Variants in AXDND1 observed in about 807,000 individuals in gnomAD.
AXDND1 encodes axonemal dynein light chain domain containing 1.
AXDND1 carries 110 observed loss-of-function variants against 137.5 expected under a neutral mutation model. That is an observed-to-expected ratio of 0.80 (90% CI 0.69 to 0.94). The LOEUF (loss-of-function observed/expected upper bound fraction) is 0.94. AXDND1 is among the 40% of genes least tolerant of loss of function. The pLI is 0.00. For missense variants in AXDND1, 1,191 were observed against 1,169.8 expected (o/e 1.02, Z -0.26); for synonymous variants, 414 against 399.7 (o/e 1.04, Z -0.43).
chr1:179,508,147 AG>A (rs1253797465), intron 20 of AXDND1, among the ~76,000 whole-genome samples: 1 of 152,112 alleles, frequency 6.6e-6, no homozygotes, highest in African/African-American at 2.4e-5. Flanking sequence ...GCTTAAGTCC[AG>A]GAGTACAAGC....
intron 11 of AXDND1, among the ~76,000 whole-genome samples, chr1:179,398,159 T>A (rs1651356359): frequency 6.6e-6 from 1 of 152,094 alleles, no homozygotes; most frequent in Non-Finnish European, 1.5e-5. Flanking sequence ...TGTTTGGGTG[T>A]TTTTTTCCCC....
chr1:179,382,588 T>G, intron 6 of AXDND1, 112 bp from the exon 7 acceptor site: 1 of 690,706 alleles, frequency 1.4e-6, no homozygotes, highest in East Asian at 2.8e-5. Context: ...ACTCATTCCT[T>G]TTAGTGGAGA....
chr1:179,490,449 A>G (rs11809530), intron 18 of AXDND1, among the ~76,000 whole-genome samples: 6,973 of 152,270 alleles, frequency 0.046, 241 homozygotes, highest in Non-Finnish European at 0.069. Flanking sequence ...AACTTTCTCT[A>G]TTCACAGTGC....
At chr1:179,489,455 AG>A (rs1346695739) in intron 18 of AXDND1, among the ~76,000 whole-genome samples, 1 of 152,186 alleles carries the variant, frequency 6.6e-6, no homozygotes, top group Non-Finnish European at 1.5e-5. Context: ...TTTCAATGAT[AG>A]TATAATCTAG....
At chr1:179,399,560 A>G (rs768551323) in intron 11 of AXDND1, among the ~76,000 whole-genome samples, 1 of 152,232 alleles carries the variant, frequency 6.6e-6, no homozygotes, top group Non-Finnish European at 1.5e-5. Context: ...AGCAATAAAA[A>G]CAAAGATATA....
intron 20 of AXDND1, among the ~76,000 whole-genome samples, chr1:179,508,659 C>G (rs1668751585): frequency 6.6e-6 from 1 of 151,942 alleles, no homozygotes; most frequent in Non-Finnish European, 1.5e-5. Flanking sequence ...AGGTGAGCAC[C>G]TTTTCCAAAA....
chr1:179,440,989 A>G (rs1658898740), intron 15 of AXDND1, among the ~76,000 whole-genome samples: 1 of 152,210 alleles, frequency 6.6e-6, no homozygotes, highest in Non-Finnish European at 1.5e-5. Flanking sequence ...ATAGTGGCAC[A>G]ACCTTTGGAA....
At chr1:179,548,099 C>T (rs548490268) in intron 25 of AXDND1, among the ~76,000 whole-genome samples, 1 of 152,156 alleles carries the variant, frequency 6.6e-6, no homozygotes, top group Non-Finnish European at 1.5e-5. Context: ...CTGGTTCTGT[C>T]CTAGAACAAC....
rs780018719 is a variant in AXDND1 at position 179,411,181 on chromosome 1, A to G, written c.1145A>G (p.Gln382Arg). 3.1e-6 allele frequency: 5 copies of G among 1,610,888 alleles called. No homozygotes were observed. The highest frequency in any genetic ancestry group is 1.3e-5 in the African/African-American group (1 of 74,752). ...VEEYHDLYTLQRERMENDMKK... is the reference protein window; with the variant it reads ...VEEYHDLYTLRRERMENDMKK... Reference sequence around the variant, plus strand: ...GAATATCATGACTTATATACATTACAAAGAGAAAGGATGGAGAATGATATG... The same window carrying G: ...GAATATCATGACTTATATACATTACGAAGAGAAAGGATGGAGAATGATATG... The change falls in exon 12 of 26, where the codon CAA (glutamine) becomes CGA (arginine). Residue 382 changes from glutamine to arginine, a missense_variant. Transcript: ENST00000367618.
At chr1:179,430,708 A>G in intron 14 of AXDND1, 102 bp downstream of exon 14, 3 of 1,311,938 alleles carry the variant, frequency 2.3e-6, no homozygotes, top group Non-Finnish European at 3.2e-6. Flanking sequence ...TAATCACTCT[A>G]ACATTGATTT....
At chr1:179,524,638 C>T (rs1443107862) in intron 21 of AXDND1, among the ~76,000 whole-genome samples, 1 of 152,176 alleles carries the variant, frequency 6.6e-6, no homozygotes, top group Non-Finnish European at 1.5e-5. Flanking sequence ...TTTTCTCTAA[C>T]CATCCCGTGT....
intron 16 of AXDND1, among the ~76,000 whole-genome samples, chr1:179,466,563 T>A (rs1663230286): frequency 6.6e-6 from 1 of 152,096 alleles, no homozygotes; most frequent in African/African-American, 2.4e-5. Flanking sequence ...ACTTTTAGAG[T>A]TTCTAGTTCT....
intron 25 of AXDND1, 100 bp from the exon 26 acceptor site, chr1:179,554,412 T>C: frequency 6.2e-7 from 1 of 1,604,388 alleles, no homozygotes; most frequent in South Asian, 1.1e-5. Context: ...AAATGAAAAA[T>C]TTAAAATGAA....
At chr1:179,464,846 T>C (rs12130088) in intron 16 of AXDND1, among the ~76,000 whole-genome samples, 25,511 of 152,158 alleles carry the variant, frequency 0.17, 2,479 homozygotes, top group East Asian at 0.35. Context: ...CTTCTCTTTT[T>C]GCTTCATTTC....
chr1:179,383,356 T>C (rs531222655), intron 7 of AXDND1, 86 bp from the exon 8 acceptor site: 2 of 971,550 alleles, frequency 2.1e-6, no homozygotes, highest in Admixed American at 4.1e-5. Flanking sequence ...ATATATATTC[T>C]CTTTACACAT....
At chr1:179,441,960 C>T (rs1008107337) in intron 15 of AXDND1, among the ~76,000 whole-genome samples, 2 of 152,210 alleles carry the variant, frequency 1.3e-5, no homozygotes, top group Admixed American at 1.3e-4. Context: ...CAGATTCTAG[C>T]AATCTTAAGG....
chr1:179,370,407 A>G (rs1419695596), intron 4 of AXDND1, among the ~76,000 whole-genome samples: 1 of 152,224 alleles, frequency 6.6e-6, no homozygotes, highest in Non-Finnish European at 1.5e-5. Flanking sequence ...GAATGCCTTT[A>G]GTGCTCCTTT....
rs146151948 is a variant in AXDND1 at position 179,469,950 on chromosome 1, C to T, written c.1997+1309C>T. Among the ~76,000 whole-genome samples, 630 of 152,182 alleles carry T rather than the reference C, an allele frequency of 4.1e-3. 1 individual carries two copies. The highest frequency in any genetic ancestry group is 0.01 in the Middle Eastern group (3 of 294). ...ATGTTTTTTTGTAAGAGTTTTGTAG[C>T]ATTTGCTCTCTTACATTAAGGTCTC... is the stretch of plus-strand genomic sequence containing the variant. On this transcript the variant is annotated intron_variant, in intron 17 of 25. Transcript: ENST00000367618.
At chr1:179,390,533 A>T (rs1345908591) in intron 9 of AXDND1, among the ~76,000 whole-genome samples, 1 of 152,224 alleles carries the variant, frequency 6.6e-6, no homozygotes, top group East Asian at 1.9e-4. Context: ...TAAGAATCTC[A>T]CTATACGTTA....
Sources: gnomAD v4.1 joint callset for allele counts (sites outside exome capture counted in the v4.1 genomes callset) on GRCh38, gnomAD v4.1.1 for gene constraint, MANE v1.5 for transcripts, NCBI Gene and HGNC (gene_info 2026-07-23, HGNC 2026-07-21) for gene names.